Variants in PTPRD observed in about 807,000 individuals in gnomAD.
PTPRD encodes protein tyrosine phosphatase receptor type D, also known as receptor-type tyrosine-protein phosphatase delta.
Under a neutral mutation model 214.5 loss-of-function variants are expected in PTPRD, and 34 were observed. The ratio of observed to expected loss-of-function variants is 0.16; its 90% CI spans 0.12 to 0.21. PTPRD has a LOEUF of 0.21. Ranked by LOEUF, PTPRD falls within the 10% of genes least tolerant of loss-of-function variation. PTPRD has a pLI of 1.00. For missense variants in PTPRD, 2,545 were observed against 2,398.7 expected (o/e 1.06, Z -1.27); for synonymous variants, 1,128 against 845.7 (o/e 1.33, Z -5.79).
At chr9:8,853,335 A>G (rs2097854222) in intron 11 of PTPRD, among the ~76,000 whole-genome samples, 1 of 152,202 alleles carries the variant, frequency 6.6e-6, no homozygotes, top group Non-Finnish European at 1.5e-5. Flanking sequence ...ATAATGAACA[A>G]TCAGGAAGCA....
chr9:10,296,705 C>CT (rs938760594), intron 3 of PTPRD, among the ~76,000 whole-genome samples: 72 of 152,132 alleles, frequency 4.7e-4, no homozygotes, highest in African/African-American at 1.6e-3. Flanking sequence ...GAAGGGACAC[C>CT]TCAGGTATCT....
At chr9:9,325,826 G>T (rs1366015299) in intron 9 of PTPRD, among the ~76,000 whole-genome samples, 2 of 152,086 alleles carry the variant, frequency 1.3e-5, no homozygotes, top group Non-Finnish European at 2.9e-5. Context: ...ACTGGCTGTG[G>T]GCTTGTCATA....
chr9:8,747,398 C>A (rs1278822340), intron 11 of PTPRD, among the ~76,000 whole-genome samples: 2 of 152,042 alleles, frequency 1.3e-5, no homozygotes, highest in Non-Finnish European at 2.9e-5. Context: ...AAACACCTAT[C>A]AAACATCAGG....
chr9:10,130,733 T>TATA (rs1386144085), intron 3 of PTPRD, among the ~76,000 whole-genome samples: 3 of 152,002 alleles, frequency 2.0e-5, no homozygotes, highest in Non-Finnish European at 4.4e-5. Flanking sequence ...CAAGAAAGGG[T>TATA]ATTATGCTAA....
At chr9:9,738,078 A>T (rs945525945) in intron 6 of PTPRD, among the ~76,000 whole-genome samples, 2 of 151,976 alleles carry the variant, frequency 1.3e-5, no homozygotes, top group Admixed American at 6.6e-5. Flanking sequence ...CAGGAAGGGG[A>T]ACATCACACA....
intron 7 of PTPRD, among the ~76,000 whole-genome samples, chr9:9,651,001 C>G (rs1406136487): frequency 1.3e-5 from 2 of 151,816 alleles, no homozygotes; most frequent in African/African-American, 4.8e-5. Context: ...AATAATTTAT[C>G]TTCGCAAAAA....
At chr9:9,215,824 G>T (rs1394360102) in intron 9 of PTPRD, among the ~76,000 whole-genome samples, 1 of 152,154 alleles carries the variant, frequency 6.6e-6, no homozygotes, top group Non-Finnish European at 1.5e-5. Flanking sequence ...GTGCTAGGGA[G>T]TCAGAACACC....
chr9:10,065,473 G>T (rs1357306119), intron 3 of PTPRD, among the ~76,000 whole-genome samples: 1 of 151,566 alleles, frequency 6.6e-6, no homozygotes, highest in African/African-American at 2.4e-5. Context: ...CTTGGGAGAA[G>T]GCCTATTTTA....
chr9:10,085,640 G>A (rs182228944), intron 3 of PTPRD, among the ~76,000 whole-genome samples: 32 of 151,634 alleles, frequency 2.1e-4, no homozygotes, highest in African/African-American at 5.1e-4. Flanking sequence ...GAATACTGGC[G>A]CCTGCCTGTG....
chr9:8,489,479 C>A (rs916782302), intron 27 of PTPRD, among the ~76,000 whole-genome samples: 5 of 152,120 alleles, frequency 3.3e-5, no homozygotes, highest in East Asian at 1.9e-4. Flanking sequence ...ATGAGACAAC[C>A]AGCCTGGAAG....
chr9:8,469,526 T>C (rs1356272397), intron 31 of PTPRD, among the ~76,000 whole-genome samples: 2 of 152,096 alleles, frequency 1.3e-5, no homozygotes, highest in African/African-American at 2.4e-5. Flanking sequence ...ATATCAAGAT[T>C]AATTGATTAG....
rs564389507 is a variant in PTPRD at position 10,007,094 on chromosome 9, A to G, written c.-472+26624T>C. On this transcript the variant is annotated intron_variant, in intron 4 of 45. Coordinates refer to ENST00000381196, the MANE Select transcript of PTPRD (RefSeq NM_002839.4). Reference sequence around the variant, plus strand: ...GCAGAAGTGTTTGTCTCTGTTTTTAAAAAGAAAACATTAAAGATCAAAGAG... The same window carrying G: ...GCAGAAGTGTTTGTCTCTGTTTTTAGAAAGAAAACATTAAAGATCAAAGAG... 7.2e-5 allele frequency among the ~76,000 whole-genome samples: 11 copies of G among 152,104 alleles called. No individual in the cohort carries two copies. The South Asian group carries it at 1.2e-3, about 17-fold the overall frequency.
intron 39 of PTPRD, among the ~76,000 whole-genome samples, chr9:8,354,280 C>G (rs2076422834): frequency 6.6e-6 from 1 of 151,844 alleles, no homozygotes; most frequent in Non-Finnish European, 1.5e-5. Flanking sequence ...TCCACAAAGT[C>G]AAACACAAGA....
At chr9:9,473,412 C>T (rs540187075) in intron 8 of PTPRD, among the ~76,000 whole-genome samples, 1 of 152,032 alleles carries the variant, frequency 6.6e-6, no homozygotes, top group Non-Finnish European at 1.5e-5. Context: ...TTGTCTATTG[C>T]GAATAAAACT....
chr9:8,644,240 C>T lies in PTPRD; in HGVS notation c.65-7396G>A, dbSNP rs560082868. Among the ~76,000 whole-genome samples the T allele has an allele frequency of 7.7e-4, 117 of 151,942 alleles. 1 individual carries two copies. Among genetic ancestry groups the T allele is most frequent in the African/African-American group, 2.6e-3 (109 of 41,336 alleles). On this transcript the variant is annotated intron_variant, in intron 12 of 45. Coordinates refer to ENST00000381196, the MANE Select transcript of PTPRD (RefSeq NM_002839.4). ...CCTCTCTGCTGGGAGGTGAACACTC[C>T]GGACGACCTGCCTAACAGAGAGGAG... is the stretch of plus-strand genomic sequence containing the variant.
In PTPRD at chr9:8,389,420, G is replaced by A. The variant is rs758223265; in HGVS notation, c.4211-13C>T. 10 of 1,601,160 alleles carry A rather than the reference G, an allele frequency of 6.2e-6. No homozygotes were observed. The East Asian group carries it at 1.3e-4, about 22-fold the overall frequency. ...CTTCCTGGGATCCCTGGAAAACAAG[G>A]AGTGTTATTCAACCAGGTGAGCACA... On this transcript the variant is annotated splice_polypyrimidine_tract_variant and intron_variant, in intron 36 of 45. Coordinates refer to ENST00000381196, the MANE Select transcript of PTPRD (RefSeq NM_002839.4).
intron 3 of PTPRD, among the ~76,000 whole-genome samples, chr9:10,291,645 GAA>G (rs77766055): frequency 9.9e-5 from 15 of 151,776 alleles, no homozygotes; most frequent in Non-Finnish European, 1.8e-4. Flanking sequence ...TCTGGGAACA[GAA>G]AAGGAACCAA....
chr9:9,858,758 G>C (rs80149925), intron 5 of PTPRD, among the ~76,000 whole-genome samples: 2,951 of 152,214 alleles, frequency 0.019, 94 homozygotes, highest in African/African-American at 0.068. Flanking sequence ...AGAAAATAAA[G>C]CCAAAACAGG....
chr9:8,580,776 A>G (rs2092989441), intron 14 of PTPRD, among the ~76,000 whole-genome samples: 1 of 152,172 alleles, frequency 6.6e-6, no homozygotes, highest in Non-Finnish European at 1.5e-5. Flanking sequence ...ACTCACGCAC[A>G]CATACACACA....
Sources: allele counts gnomAD v4.1 joint callset (sites outside exome capture counted in the v4.1 genomes callset), GRCh38; gene constraint gnomAD v4.1.1; transcripts MANE v1.5; gene names NCBI Gene and HGNC (gene_info 2026-07-23, HGNC 2026-07-21).